Variants in DCDC2 observed in about 807,000 individuals in gnomAD.
DCDC2 encodes doublecortin domain-containing protein 2.
Under a neutral mutation model 50.2 loss-of-function variants are expected in DCDC2, and 40 were observed. The observed-to-expected ratio is 0.80, with a 90% confidence interval of 0.62 to 1.04. DCDC2 has a LOEUF of 1.04. DCDC2 is among the 50% of genes least tolerant of loss of function. DCDC2 has a pLI of 0.00. For synonymous variants in DCDC2, 234 were observed against 210.6 expected (o/e 1.11, Z -0.96); for missense variants, 570 against 581.9 (o/e 0.98, Z 0.21).
chr6:24,291,504 G>C (rs1182732436), intron 4 of DCDC2, among the ~76,000 whole-genome samples: 1 of 58,520 alleles, frequency 1.7e-5, no homozygotes, highest in Non-Finnish European at 3.1e-5. Flanking sequence ...TTTTTTTTTT[G>C]AGACGGAGTC....
intron 4 of DCDC2, among the ~76,000 whole-genome samples, chr6:24,297,625 G>C (rs1759281179): frequency 6.6e-6 from 1 of 152,000 alleles, no homozygotes; most frequent in Non-Finnish European, 1.5e-5. Context: ...GAAATTACCT[G>C]TATATACCTT....
intron 7 of DCDC2, among the ~76,000 whole-genome samples, chr6:24,233,326 GT>G (rs1762376418): frequency 6.6e-6 from 1 of 152,142 alleles, no homozygotes; most frequent in African/African-American, 2.4e-5. Context: ...TTCATATTAT[GT>G]GGCGTGGTTA....
chr6:24,246,198 T>C (rs1561905094), intron 7 of DCDC2, among the ~76,000 whole-genome samples: 2 of 152,082 alleles, frequency 1.3e-5, no homozygotes, highest in Non-Finnish European at 2.9e-5. Flanking sequence ...CAAATAAACA[T>C]GAGAGATCAA....
chr6:24,180,155 G>A (rs145997729), intron 8 of DCDC2, among the ~76,000 whole-genome samples: 21 of 152,178 alleles, frequency 1.4e-4, no homozygotes, highest in African/African-American at 5.1e-4. Context: ...GTTATATAAA[G>A]TGTCATAGTT....
At chr6:24,193,218 A>G (rs1436656743) in intron 8 of DCDC2, among the ~76,000 whole-genome samples, 1 of 152,178 alleles carries the variant, frequency 6.6e-6, no homozygotes, top group African/African-American at 2.4e-5. Context: ...TGTGTCTCCC[A>G]TGAAGCTTTT....
chr6:24,347,152 A>T (rs1354703342), intron 2 of DCDC2, among the ~76,000 whole-genome samples: 2 of 152,244 alleles, frequency 1.3e-5, no homozygotes, highest in Non-Finnish European at 1.5e-5. Context: ...TAATCCCATT[A>T]TCCTCTGACT....
chr6:24,257,874 T>C (rs1346215677), intron 7 of DCDC2, among the ~76,000 whole-genome samples: 1 of 152,092 alleles, frequency 6.6e-6, no homozygotes, highest in African/African-American at 2.4e-5. Flanking sequence ...AAATCAAGGA[T>C]GGTCAGGAAG....
intron 5 of DCDC2, among the ~76,000 whole-genome samples, chr6:24,289,302 A>G (rs1032326017): frequency 2.0e-5 from 3 of 152,216 alleles, no homozygotes; most frequent in Non-Finnish European, 4.4e-5. Context: ...TTCTATGTCT[A>G]CCTCTGATAG....
In DCDC2 at chr6:24,357,536, T is replaced by C. The variant is rs750626840; in HGVS notation, c.215A>G (p.His72Arg). 2.5e-6 allele frequency: 4 copies of C among 1,613,512 alleles called. No homozygotes were observed. The highest frequency in any genetic ancestry group is 1.7e-5 in the Admixed American group (1 of 60,032). Reference sequence around the variant, plus strand: ...GATCTGGTCTAGCTTCCGGATTCGGTGGCCAGTCCGCGGGGTGTAGATGTT... The same window carrying C: ...GATCTGGTCTAGCTTCCGGATTCGGCGGCCAGTCCGCGGGGTGTAGATGTT... ...VRNIYTPRTG[H>R]RIRKLDQIQS... is the part of the protein sequence containing the mutation. The change falls in exon 1 of 10, where the codon CAC (histidine) becomes CGC (arginine). Residue 72 changes from histidine (H) to arginine (R), a missense_variant. Transcript: ENST00000378454.
At chr6:24,285,198 C>T (rs368133656) in intron 6 of DCDC2, among the ~76,000 whole-genome samples, 5 of 152,146 alleles carry the variant, frequency 3.3e-5, no homozygotes, top group African/African-American at 1.2e-4. Flanking sequence ...TGGATGAATA[C>T]AGGGTGCTAC....
chr6:24,273,120 A>C (rs1431420925), intron 7 of DCDC2, among the ~76,000 whole-genome samples: 2 of 152,176 alleles, frequency 1.3e-5, no homozygotes, highest in South Asian at 2.1e-4. Context: ...AAATGAAATC[A>C]TGTCTTTTGC....
At chr6:24,178,113 G>C (rs992892983) in intron 9 of DCDC2, among the ~76,000 whole-genome samples, 16 of 152,290 alleles carry the variant, frequency 1.1e-4, no homozygotes, top group African/African-American at 3.4e-4. Flanking sequence ...TGTATGAATG[G>C]CAGAAGGGCA....
upstream of DCDC2, chr6:24,358,344 C>G (rs1760523171): frequency 5.9e-6 from 1 of 169,586 alleles, no homozygotes; most frequent in Non-Finnish European, 1.4e-5. Flanking sequence ...GATGCGGTGG[C>G]TTACGCCTGC....
intron 2 of DCDC2, among the ~76,000 whole-genome samples, chr6:24,333,823 G>A (rs942980826): frequency 1.3e-5 from 2 of 152,186 alleles, no homozygotes; most frequent in Non-Finnish European, 2.9e-5. Flanking sequence ...AATCAGGCAA[G>A]GTGTACAGTA....
intron 2 of DCDC2, among the ~76,000 whole-genome samples, chr6:24,350,126 T>C (rs1489963354): frequency 9.9e-5 from 15 of 152,180 alleles, no homozygotes; most frequent in Non-Finnish European, 2.9e-5. Flanking sequence ...TAGCATTGGC[T>C]GTCCTTAAGT....
At position 24,205,112 on chromosome 6, in the gene DCDC2, C is replaced by T. The variant is rs745691985; in HGVS notation, c.923-10G>A. 4 of 1,613,980 alleles carry T rather than the reference C, an allele frequency of 2.5e-6. No homozygotes were observed. Among genetic ancestry groups the T allele is most frequent in the Admixed American group, 3.3e-5 (2 of 59,980 alleles). On this transcript the variant is annotated splice_polypyrimidine_tract_variant and intron_variant, in intron 7 of 9. Coordinates refer to ENST00000378454, the MANE Select transcript of DCDC2 (RefSeq NM_016356.5). ...TTGAAAATGCCTTCATCTATTGAGA[C>T]AAACACACAGTGAAAATCAAAATCC...
intron 8 of DCDC2, among the ~76,000 whole-genome samples, chr6:24,180,345 T>C (rs1561879842): frequency 6.6e-6 from 1 of 151,994 alleles, no homozygotes; most frequent in African/African-American, 2.4e-5. Context: ...AGTGCAGTGG[T>C]GCGATCTCTG....
chr6:24,245,012 T>C (rs1357945330), intron 7 of DCDC2, among the ~76,000 whole-genome samples: 1 of 152,070 alleles, frequency 6.6e-6, no homozygotes, highest in Non-Finnish European at 1.5e-5. Flanking sequence ...CTGACCAACA[T>C]GGTGAAACCC....
chr6:24,184,375 C>T (rs1361370658), intron 8 of DCDC2, among the ~76,000 whole-genome samples: 3 of 151,862 alleles, frequency 2.0e-5, no homozygotes, highest in Non-Finnish European at 4.4e-5. Flanking sequence ...AGTTCAAGAC[C>T]ACCCTGGGGA....
Sources: allele counts gnomAD v4.1 joint callset (sites outside exome capture counted in the v4.1 genomes callset), GRCh38; gene constraint gnomAD v4.1.1; transcripts MANE v1.5; gene names NCBI Gene and HGNC (gene_info 2026-07-23, HGNC 2026-07-21).